Variants in DNAJC13 observed in about 807,000 individuals in gnomAD.
The protein encoded by DNAJC13 is dnaJ homolog subfamily C member 13.
Under a neutral mutation model 290.5 loss-of-function variants are expected in DNAJC13, and 75 were observed. The observed-to-expected ratio is 0.26, with a 90% confidence interval of 0.21 to 0.31. The LOEUF (loss-of-function observed/expected upper bound fraction) is 0.31, where lower values mean the gene tolerates loss of function less well. Among genes scored for constraint, DNAJC13 ranks in the 10% least tolerant of loss-of-function variants. The pLI is 1.00. For synonymous variants in DNAJC13, 862 were observed against 892.0 expected (o/e 0.97, Z 0.60); for missense variants, 2,260 against 2,674.5 (o/e 0.85, Z 3.42).
chr3:132,503,221 C>G lies in DNAJC13; in HGVS notation c.4724C>G (p.Ala1575Gly), dbSNP rs1248931885. Residue 1575 changes from alanine (A) to glycine (G), a missense_variant, in exon 41 of 56, where the codon GCA becomes GGA. This residue lies in a region of DNAJC13 where 1,494 missense variants were observed against 1,693.7 expected (regional missense o/e 0.88). Transcript: ENST00000260818. Reference sequence around the variant, plus strand: ...TAATTTTTTTTATAACAGGAGGTAGCAAACAGCCTTGCCAAACTGAGTGTC... The same window carrying G: ...TAATTTTTTTTATAACAGGAGGTAGGAAACAGCCTTGCCAAACTGAGTGTC... ...KSEETNQQEV[A>G]NSLAKLSVHA... is the part of the protein sequence containing the mutation. 1.2e-6 allele frequency: 2 copies of G among 1,613,410 alleles called. No individual in the cohort carries two copies. Among genetic ancestry groups the G allele is most frequent in the Admixed American group, 1.7e-5 (1 of 59,946 alleles).
chr3:132,529,843 AAAG>A (rs1180371974), intron 54 of DNAJC13, among the ~76,000 whole-genome samples: 2 of 151,712 alleles, frequency 1.3e-5, no homozygotes, highest in Admixed American at 1.3e-4. Flanking sequence ...TGCAGATATT[AAAG>A]AAGAGACTGC....
chr3:132,496,479 A>ATT, intron 35 of DNAJC13, 49 bp from the exon 36 acceptor site: 2 of 1,490,222 alleles, frequency 1.3e-6, no homozygotes, highest in Non-Finnish European at 1.8e-6. Context: ...TTTAAGTTGA[A>ATT]TTTTGCGACA....
chr3:132,497,662 C>G lies in DNAJC13; in HGVS notation c.4156+999C>G, dbSNP rs146647929. ...TGAGTTTGGAAACCTTTTTCAAAAC[C>G]CTTGGTTGTCTTTTAATGCTGATAA... On this transcript the variant is annotated intron_variant, in intron 36 of 55. Transcript: ENST00000260818. 4.9e-3 allele frequency among the ~76,000 whole-genome samples: 744 copies of G among 152,126 alleles called. 18 individuals carry two copies. The highest frequency in any genetic ancestry group is 0.042 in the Admixed American group (634 of 15,276).
At chr3:132,527,970 T>A (rs1208680638) in intron 53 of DNAJC13, among the ~76,000 whole-genome samples, 1 of 152,220 alleles carries the variant, frequency 6.6e-6, no homozygotes, top group African/African-American at 2.4e-5. Context: ...CTCTGTGCAT[T>A]AATTGAATAA....
chr3:132,481,228 C>G (rs1934662888), intron 26 of DNAJC13, among the ~76,000 whole-genome samples: 1 of 152,132 alleles, frequency 6.6e-6, no homozygotes, highest in African/African-American at 2.4e-5. Context: ...ATGAGTCTAA[C>G]TGAAAGCTGA....
intron 43 of DNAJC13, among the ~76,000 whole-genome samples, chr3:132,510,062 A>G (rs1273391155): frequency 6.6e-6 from 1 of 152,100 alleles, no homozygotes; most frequent in East Asian, 1.9e-4. Flanking sequence ...ATTCATAAGA[A>G]GTTGTTCCTT....
intron 46 of DNAJC13, among the ~76,000 whole-genome samples, chr3:132,515,616 G>C (rs1193212415): frequency 6.6e-6 from 1 of 152,072 alleles, no homozygotes; most frequent in Non-Finnish European, 1.5e-5. Flanking sequence ...GGTTGGTGAA[G>C]TAAAGGATGT....
chr3:132,482,417 A>G (rs1259351261), intron 27 of DNAJC13, 87 bp downstream of exon 27: 2 of 1,015,360 alleles, frequency 2.0e-6, no homozygotes, highest in African/African-American at 3.3e-5. Flanking sequence ...GGAATGTTTT[A>G]AAGCTGTCAT....
At chr3:132,530,958 C>A in intron 54 of DNAJC13, 40 bp from the exon 55 acceptor site, 1 of 1,572,202 alleles carries the variant, frequency 6.4e-7, no homozygotes, top group South Asian at 1.1e-5. Flanking sequence ...AACATCCAGT[C>A]CTTGATTTTA....
intron 48 of DNAJC13, among the ~76,000 whole-genome samples, chr3:132,518,702 T>A (rs1935996223): frequency 6.6e-6 from 1 of 152,142 alleles, no homozygotes; most frequent in South Asian, 2.1e-4. Flanking sequence ...GATATTAATA[T>A]CATTGACATA....
At chr3:132,481,580 CAAAA>C (rs1185376870) in intron 26 of DNAJC13, among the ~76,000 whole-genome samples, 1 of 151,966 alleles carries the variant, frequency 6.6e-6, no homozygotes, top group African/African-American at 2.4e-5. Flanking sequence ...GACCCTGTCT[CAAAA>C]AAGAAAGACA....
chr3:132,417,989 C>T (rs1163499652), intron 1 of DNAJC13, among the ~76,000 whole-genome samples: 3 of 152,114 alleles, frequency 2.0e-5, no homozygotes, highest in East Asian at 1.9e-4. Context: ...CCTGTCCAGC[C>T]CCACCCCTTT....
chr3:132,462,242 T>G (rs1380056761), intron 15 of DNAJC13, among the ~76,000 whole-genome samples: 2 of 152,188 alleles, frequency 1.3e-5, no homozygotes, highest in Non-Finnish European at 2.9e-5. Flanking sequence ...AGATGCCTTC[T>G]GTTTCCTACT....
rs574941545 is a variant in DNAJC13, at chr3:132,432,562, G to A, written c.-13-1976G>A. On this transcript the variant is annotated intron_variant, in intron 1 of 55. Coordinates refer to ENST00000260818, the MANE Select transcript of DNAJC13 (RefSeq NM_015268.4). ...ATTAAGGCAAGGGAGAAATAGCTAA[G>A]TCACAAAAGAAATAACCATATTTAA... Among the ~76,000 whole-genome samples the A allele has an allele frequency of 4.0e-4, 61 of 152,250 alleles. 2 individuals are homozygous for A. The South Asian group carries it at 0.012, about 31-fold the overall frequency.
At chr3:132,501,194 A>G (rs1935397959) in intron 39 of DNAJC13, among the ~76,000 whole-genome samples, 1 of 152,138 alleles carries the variant, frequency 6.6e-6, no homozygotes, top group Non-Finnish European at 1.5e-5. Flanking sequence ...CCTGTAATAA[A>G]TAAGTCTTTT....
At position 132,523,213 on chromosome 3, in the gene DNAJC13, T is replaced by A. The variant is rs530835033; in HGVS notation, c.5886+14T>A. The A allele has an allele frequency of 3.3e-5, 53 of 1,612,764 alleles. 1 individual carries two copies. In the South Asian group the frequency reaches 5.7e-4, roughly 17 times the overall value. Reference sequence around the variant, plus strand: ...GCAAACTGGAAGGTAAAATATACTTTTATTTTACATCTTATTTTCTGTTGA... The same window carrying A: ...GCAAACTGGAAGGTAAAATATACTTATATTTTACATCTTATTTTCTGTTGA... On this transcript the variant is annotated intron_variant, in intron 50 of 55. Transcript: ENST00000260818.
rs770092759 is a variant in DNAJC13, at chr3:132,503,259, C to A, written c.4762C>A (p.Arg1588Ser). 6.2e-7 allele frequency: 1 copy of A among 1,614,000 alleles called. No homozygotes were observed. The highest frequency in any genetic ancestry group is 1.1e-5 in the South Asian group (1 of 91,052). Residue 1588 changes from arginine (R) to serine (S), a missense_variant, in exon 41 of 56, where the codon CGC becomes AGC. Around this residue, in one of 3 missense-constraint regions of DNAJC13, gnomAD observed 1,494 missense variants for 1,693.7 expected, o/e 0.88. Coordinates refer to ENST00000260818, the MANE Select transcript of DNAJC13 (RefSeq NM_015268.4). The stretch of plus-strand genomic sequence containing the variant: ...CAAACTGAGTGTCCATGCTCTGAGT[C>A]GCCTTGGAGGGTATTTGGCTGAAGA... ...LAKLSVHALS[R>S]LGGYLAEEQA...
At chr3:132,425,682 G>T (rs1191011226) in intron 1 of DNAJC13, among the ~76,000 whole-genome samples, 1 of 152,128 alleles carries the variant, frequency 6.6e-6, no homozygotes, top group Non-Finnish European at 1.5e-5. Flanking sequence ...ATTACTTCCA[G>T]TTGATGATGC....
rs1490956816 is a variant in DNAJC13 at position 132,511,130 on chromosome 3, A to G, written c.5179A>G (p.Thr1727Ala). ...YIGSQAQYLH[T>A]FMAITHAAKV... is the part of the protein sequence containing the mutation. ...AGGCTCGCAGGCCCAATACTTGCACACATTCATGGCCATCACACACGCGGC... is the reference window on the plus strand; with the variant it reads ...AGGCTCGCAGGCCCAATACTTGCACGCATTCATGGCCATCACACACGCGGC... Residue 1727 changes from threonine to alanine, a missense_variant, in exon 44 of 56, where the codon ACA becomes GCA. By Grantham distance (58) the Thr-to-Ala change is moderately conservative (BLOSUM62 0). Transcript: ENST00000260818. The G allele has an allele frequency of 6.2e-7, 1 of 1,613,962 alleles. No individual in the cohort carries two copies. The highest frequency in any genetic ancestry group is 2.2e-5 in the East Asian group (1 of 44,892).
Sources: gnomAD v4.1 joint callset for allele counts (sites outside exome capture counted in the v4.1 genomes callset) on GRCh38, gnomAD v4.1.1 for gene constraint, gnomAD v4.1.1 regional missense constraint, MANE v1.5 for transcripts, NCBI Gene and HGNC (gene_info 2026-07-23, HGNC 2026-07-21) for gene names.